FAM184B: variants seen among roughly 807,000 people sequenced by gnomAD.
FAM184B encodes the protein protein FAM184B.
In FAM184B, 111 loss-of-function variants were observed where a neutral mutation model predicts 135.9. That is an observed-to-expected ratio of 0.82 (90% confidence interval 0.70 to 0.96). The LOEUF is 0.96. Among genes scored for constraint, FAM184B ranks in the 40% least tolerant of loss-of-function variants. The pLI, the probability that FAM184B is intolerant of heterozygous loss-of-function variation, is 0.00. For synonymous variants in FAM184B, 552 were observed against 524.8 expected (o/e 1.05, Z -0.71); for missense variants, 1,375 against 1,323.9 (o/e 1.04, Z -0.60).
chr4:17,773,618 C>A (rs1310848069), intron 1 of FAM184B, among the ~76,000 whole-genome samples: 1 of 152,082 alleles, frequency 6.6e-6, no homozygotes, highest in Non-Finnish European at 1.5e-5. Context: ...ACTTTTGTTG[C>A]CCAGGCTGGA....
intron 7 of FAM184B, among the ~76,000 whole-genome samples, chr4:17,688,160 G>A (rs1355595150): frequency 6.6e-6 from 1 of 152,176 alleles, no homozygotes. Context: ...CTCCAGGCAG[G>A]CTGCTCTCAG....
intron 1 of FAM184B, among the ~76,000 whole-genome samples, chr4:17,759,932 G>A (rs1040971325): frequency 2.0e-5 from 3 of 152,140 alleles, no homozygotes; most frequent in African/African-American, 4.8e-5. Context: ...GTCATCAGAT[G>A]AGGAATCTCT....
At chr4:17,683,551 C>A (rs1044743086) in intron 7 of FAM184B, among the ~76,000 whole-genome samples, 3 of 152,158 alleles carry the variant, frequency 2.0e-5, no homozygotes, top group African/African-American at 7.2e-5. Context: ...GGTGAGCTTG[C>A]TTAACTACTA....
In FAM184B at chr4:17,731,489, C is replaced by G. The variant is rs191226714; in HGVS notation, c.142-21845G>C. On this transcript the variant is annotated intron_variant, in intron 1 of 17. Coordinates refer to ENST00000265018, the MANE Select transcript of FAM184B (RefSeq NM_015688.2). Reference sequence around the variant, plus strand: ...AATAAAGGGATGGAGGAAGATCTACCAAGCAAATGGAAAACAAAAAAAGGC... The same window carrying G: ...AATAAAGGGATGGAGGAAGATCTACGAAGCAAATGGAAAACAAAAAAAGGC... Among the ~76,000 whole-genome samples the G allele has an allele frequency of 2.4e-4, 37 of 152,052 alleles. No homozygotes were observed. In the East Asian group the frequency reaches 5.8e-3, roughly 24 times the overall value.
chr4:17,665,016 G>A (rs1228970289), intron 7 of FAM184B, among the ~76,000 whole-genome samples: 2 of 152,162 alleles, frequency 1.3e-5, no homozygotes, highest in African/African-American at 2.4e-5. Flanking sequence ...ATAGGACCCT[G>A]GGGACTGAAC....
chr4:17,648,318 A>C (rs555286378), intron 11 of FAM184B, among the ~76,000 whole-genome samples: 3 of 152,160 alleles, frequency 2.0e-5, no homozygotes, highest in African/African-American at 7.2e-5. Flanking sequence ...CGATGGTCTC[A>C]AGTTGGAAAT....
intron 3 of FAM184B, among the ~76,000 whole-genome samples, chr4:17,706,928 GGCACCC>G (rs1717133584): frequency 6.6e-6 from 1 of 151,936 alleles, no homozygotes; most frequent in African/African-American, 2.4e-5. Context: ...TAGGATTACA[GGCACCC>G]CTCACTGTGC....
chr4:17,752,276 C>T (rs1036103416), intron 1 of FAM184B, among the ~76,000 whole-genome samples: 2 of 152,068 alleles, frequency 1.3e-5, no homozygotes, highest in South Asian at 2.1e-4. Context: ...ATTTTGATCC[C>T]GTGTCTGACA....
At position 17,710,976 on chromosome 4, in the gene FAM184B, A is replaced by G. The variant is rs116190534; in HGVS notation, c.142-1332T>C. On this transcript the variant is annotated intron_variant, in intron 1 of 17. Transcript: ENST00000265018. ...CCTGAGCTACAGAGGAGGGGGGTGA[A>G]GTCAGGAGAGTTTTGTTGCTGTTTG... Among the ~76,000 whole-genome samples, 926 of 152,294 alleles carry G rather than the reference A, an allele frequency of 6.1e-3. 11 individuals are homozygous for G. The highest frequency in any genetic ancestry group is 0.021 in the African/African-American group (861 of 41,572).
intron 1 of FAM184B, among the ~76,000 whole-genome samples, chr4:17,733,973 C>A (rs1357320660): frequency 1.3e-5 from 2 of 152,058 alleles, no homozygotes; most frequent in African/African-American, 4.8e-5. Context: ...GTACTGGTAC[C>A]AAAACAGAGA....
chr4:17,649,887 T>TCCAC (rs778131248), intron 11 of FAM184B, among the ~76,000 whole-genome samples: 113 of 148,804 alleles, frequency 7.6e-4, no homozygotes, highest in Admixed American at 1.7e-3. Context: ...CATCCACCCA[T>TCCAC]CTATCTGTCT....
chr4:17,768,583 C>T (rs1718747563), intron 1 of FAM184B, among the ~76,000 whole-genome samples: 1 of 151,590 alleles, frequency 6.6e-6, no homozygotes, highest in Non-Finnish European at 1.5e-5. Context: ...CTTCTGACCC[C>T]TTTATAAGTT....
At position 17,630,169 on chromosome 4, in the gene FAM184B, A is replaced by G. The variant is rs1286009503; in HGVS notation, c.*2363T>C. 6.6e-6 allele frequency: 1 copy of G among 152,188 alleles called. No homozygotes were observed. Among genetic ancestry groups the G allele is most frequent in the African/African-American group, 2.4e-5 (1 of 41,448 alleles). The allele number at this position is 152,188 out of a possible 1,614,324, so 9.4% of individuals were successfully genotyped here. On this transcript the variant is annotated 3_prime_UTR_variant, in exon 18 of 18. Transcript: ENST00000265018. ...CAGAAATGCAAAGTGCAGCCTGGGA[A>G]AGTGTTTCAACACACAAAAATAGAA...
chr4:17,636,775 G>A (rs993247389), intron 14 of FAM184B, 130 bp from the exon 15 acceptor site: 11 of 736,494 alleles, frequency 1.5e-5, no homozygotes, highest in Non-Finnish European at 1.9e-5. Flanking sequence ...AGCAGCAGCG[G>A]CTTGCCCAGG....
At position 17,632,859 on chromosome 4, in the gene FAM184B, C is replaced by A. The variant is rs142711891; in HGVS notation, c.3090-234G>T. ...CACCATTGTTTGGTTCTCCATTGTTCCTTTGAGACTTAGTGGTTGTAGCTC... is the reference window on the plus strand; with the variant it reads ...CACCATTGTTTGGTTCTCCATTGTTACTTTGAGACTTAGTGGTTGTAGCTC... On this transcript the variant is annotated intron_variant, in intron 17 of 17. Coordinates refer to ENST00000265018, the MANE Select transcript of FAM184B (RefSeq NM_015688.2). The A allele has an allele frequency of 4.2e-5, 16 of 380,446 alleles. No homozygotes were observed. In the East Asian group the frequency reaches 7.4e-4, roughly 18 times the overall value. 23.6% of individuals were successfully genotyped at this position (380,446 alleles called of 1,614,324 possible). A position where few individuals can be genotyped will look rare whatever the true frequency, so the allele number is the denominator to read the frequency against.
intron 1 of FAM184B, among the ~76,000 whole-genome samples, chr4:17,760,481 A>C (rs1047421501): frequency 6.6e-6 from 1 of 151,754 alleles, no homozygotes; most frequent in Non-Finnish European, 1.5e-5. Context: ...AAAAAAAAAA[A>C]ACAAAAACAA....
chr4:17,708,679 A>ATG (rs1717171417), intron 2 of FAM184B, among the ~76,000 whole-genome samples: 1 of 37,710 alleles, frequency 2.7e-5, no homozygotes, highest in African/African-American at 1.2e-4. Context: ...ATATATATAT[A>ATG]TATATATATA....
chr4:17,633,907 A>G lies in FAM184B; in HGVS notation c.2890-19T>C. The G allele has an allele frequency of 6.7e-7, 1 of 1,490,118 alleles. No homozygotes were observed. The highest frequency in any genetic ancestry group is 9.0e-7 in the Non-Finnish European group (1 of 1,115,482). The allele number at this position is 1,490,118 out of a possible 1,614,324, so 92.3% of individuals were successfully genotyped here. ...TCTTTTTCTGTTTGTATTAATGGAC[A>G]GGTTAGTGCAATGCAATGCAAAAAA... On this transcript the variant is annotated intron_variant, in intron 16 of 17. Transcript: ENST00000265018.
At chr4:17,654,784 C>T (rs1258560716) in intron 10 of FAM184B, among the ~76,000 whole-genome samples, 3 of 152,310 alleles carry the variant, frequency 2.0e-5, no homozygotes, top group South Asian at 4.1e-4. Flanking sequence ...CACCTGTCAC[C>T]GGGGATAGCA....
Sources: allele counts gnomAD v4.1 joint callset (sites outside exome capture counted in the v4.1 genomes callset), GRCh38; gene constraint gnomAD v4.1.1; transcripts MANE v1.5; gene names NCBI Gene and HGNC (gene_info 2026-07-23, HGNC 2026-07-21).